Variants in SORBS2 observed in about 807,000 individuals in gnomAD.
SORBS2 encodes the protein sorbin and SH3 domain containing 2, also known as sorbin and SH3 domain-containing protein 2.
SORBS2 carries 46 observed loss-of-function variants against 97.7 expected under a neutral mutation model. The ratio of observed to expected loss-of-function variants is 0.47; its 90% CI spans 0.37 to 0.60. The LOEUF (loss-of-function observed/expected upper bound fraction) is 0.60, where lower values mean the gene tolerates loss of function less well. Ranked by LOEUF, SORBS2 falls within the 20% of genes least tolerant of loss-of-function variation. The probability of loss-of-function intolerance (pLI) is 0.00; values close to 1 mark genes in which losing one functional copy is unlikely to be tolerated. For missense variants in SORBS2, 1,316 were observed against 1,282.3 expected, an observed-to-expected ratio of 1.03 and a Z score of -0.40; for synonymous variants, 476 against 473.4, an observed-to-expected ratio of 1.01 and a Z score of -0.07.
At chr4:185,802,230 C>T (rs1585071734) in intron 1 of SORBS2, among the ~76,000 whole-genome samples, 1 of 152,270 alleles carries the variant, frequency 6.6e-6, no homozygotes, top group East Asian at 1.9e-4. Context: ...TTATATCTGC[C>T]TTATAGCACT....
intron 1 of SORBS2, among the ~76,000 whole-genome samples, chr4:185,951,764 C>T (rs930011759): frequency 8.5e-5 from 13 of 152,206 alleles, no homozygotes; most frequent in Admixed American, 2.0e-4. Context: ...GGCCACCTTT[C>T]CCATCGGGTA....
At chr4:185,725,418 C>A (rs1180382366) in intron 2 of SORBS2, among the ~76,000 whole-genome samples, 1 of 152,196 alleles carries the variant, frequency 6.6e-6, no homozygotes, top group African/African-American at 2.4e-5. Context: ...GCCAGTGGGT[C>A]AAACATACTT....
At chr4:185,948,643 A>T (rs937434463) in intron 1 of SORBS2, among the ~76,000 whole-genome samples, 7 of 146,876 alleles carry the variant, frequency 4.8e-5, no homozygotes, top group African/African-American at 1.0e-4. Flanking sequence ...TCAGCCTCCC[A>T]AGTAGCTGGG....
chr4:185,917,831 C>T (rs1191568938), intron 1 of SORBS2, among the ~76,000 whole-genome samples: 1 of 152,106 alleles, frequency 6.6e-6, no homozygotes, highest in African/African-American at 2.4e-5. Context: ...ACCTCCCTGA[C>T]ATTTGGTCAC....
chr4:185,640,616 AAATTT>A (rs1384623507), intron 4 of SORBS2, among the ~76,000 whole-genome samples: 1 of 152,226 alleles, frequency 6.6e-6, no homozygotes, highest in African/African-American at 2.4e-5. Flanking sequence ...TTGAATTTAA[AAATTT>A]AATTCAATTT....
chr4:185,703,623 T>A (rs1269880545), intron 2 of SORBS2, among the ~76,000 whole-genome samples: 3 of 152,220 alleles, frequency 2.0e-5, no homozygotes, highest in African/African-American at 7.2e-5. Context: ...TGAGTTATTT[T>A]TCATGTGGAT....
chr4:185,652,761 C>G (rs1240348858), intron 1 of SORBS2, 33 bp from the exon 10 acceptor site: 1 of 1,538,666 alleles, frequency 6.5e-7, no homozygotes, highest in East Asian at 2.2e-5. Flanking sequence ...TGGTTACAAA[C>G]TGGCTTCCAA....
chr4:185,650,440 G>A (rs909526522), intron 2 of SORBS2, among the ~76,000 whole-genome samples: 5 of 152,066 alleles, frequency 3.3e-5, no homozygotes, highest in East Asian at 1.9e-4. Context: ...TGGCTTGCAC[G>A]GTTAGTAGAG....
chr4:185,889,328 C>T (rs567215381), intron 1 of SORBS2, among the ~76,000 whole-genome samples: 1 of 152,088 alleles, frequency 6.6e-6, no homozygotes, highest in African/African-American at 2.4e-5. Context: ...CTCCCTTTCT[C>T]TCCCACCCTA....
intron 2 of SORBS2, among the ~76,000 whole-genome samples, chr4:185,770,150 C>T (rs1486617789): frequency 6.6e-6 from 1 of 151,380 alleles, no homozygotes; most frequent in Non-Finnish European, 1.5e-5. Flanking sequence ...ACGATCTCGG[C>T]TCACTGCAAC....
At chr4:185,738,634 T>C (rs911881835) in intron 2 of SORBS2, among the ~76,000 whole-genome samples, 9 of 152,244 alleles carry the variant, frequency 5.9e-5, no homozygotes, top group Non-Finnish European at 1.2e-4. Flanking sequence ...TTTTTCTGGG[T>C]TATAAAAATT....
intron 1 of SORBS2, among the ~76,000 whole-genome samples, chr4:185,915,453 C>T (rs2099257604): frequency 6.6e-6 from 1 of 152,198 alleles, no homozygotes; most frequent in South Asian, 2.1e-4. Context: ...AAGCATTGTG[C>T]TCTAGAGGAA....
At chr4:185,864,177 A>G (rs746877497) in intron 1 of SORBS2, among the ~76,000 whole-genome samples, 2 of 152,216 alleles carry the variant, frequency 1.3e-5, no homozygotes, top group African/African-American at 2.4e-5. Flanking sequence ...TTCTCATTAT[A>G]CTATAAAAAG....
chr4:185,677,440 A>G, intron 4 of SORBS2: 1 of 1,552,226 alleles, frequency 6.4e-7, no homozygotes, highest in Non-Finnish European at 8.7e-7. Context: ...GTTGTGTTAG[A>G]TTCTTCAGAA....
chr4:185,693,003 G>T (rs553633925), intron 2 of SORBS2, among the ~76,000 whole-genome samples: 1 of 152,296 alleles, frequency 6.6e-6, no homozygotes, highest in South Asian at 2.1e-4. Context: ...TGTGTGGTCT[G>T]TGTTCAGTGT....
intron 1 of SORBS2, among the ~76,000 whole-genome samples, chr4:185,782,914 C>T (rs759972465): frequency 6.6e-6 from 1 of 152,322 alleles, no homozygotes; most frequent in East Asian, 1.9e-4. Context: ...GGAAGGCTTG[C>T]TATGGCCCAA....
intron 2 of SORBS2, among the ~76,000 whole-genome samples, chr4:185,725,656 C>T (rs1245858790): frequency 1.3e-5 from 2 of 152,136 alleles, no homozygotes; most frequent in East Asian, 3.9e-4. Flanking sequence ...TCATATAGTA[C>T]TTATTAATAT....
At chr4:185,732,740 AG>A (rs1265524917) in intron 2 of SORBS2, among the ~76,000 whole-genome samples, 3 of 152,340 alleles carry the variant, frequency 2.0e-5, no homozygotes, top group South Asian at 2.1e-4. Context: ...TTCCCCAAAA[AG>A]GTATGTTGAA....
chr4:185,885,326 C>T (rs769321860), intron 1 of SORBS2, among the ~76,000 whole-genome samples: 3 of 152,184 alleles, frequency 2.0e-5, no homozygotes, highest in African/African-American at 4.8e-5. Context: ...ATAGCACCCC[C>T]GGGCACCTGC....
Sources: gnomAD v4.1 joint callset for allele counts (sites outside exome capture counted in the v4.1 genomes callset) on GRCh38, gnomAD v4.1.1 for gene constraint, MANE v1.5 for transcripts, NCBI Gene and HGNC (gene_info 2026-07-23, HGNC 2026-07-21) for gene names.